Variants in C1orf167 observed in about 807,000 individuals in gnomAD.
The protein encoded by C1orf167 is chromosome 1 open reading frame 167.
A neutral mutation model predicts 176.5 loss-of-function variants in C1orf167; 153 were observed. That is an observed-to-expected ratio of 0.87 (90% CI 0.76 to 0.99). The LOEUF is 0.99. Ranked by LOEUF, C1orf167 falls within the 50% of genes least tolerant of loss-of-function variation. C1orf167 has a pLI of 0.00. For missense variants in C1orf167, 1,490 were observed against 1,817.7 expected, an observed-to-expected ratio of 0.82 and a Z score of 3.28; for synonymous variants, 594 against 752.7, an observed-to-expected ratio of 0.79 and a Z score of 3.45.
At chr1:11,776,273 AAAAAAC>A (rs146803014) in intron 9 of C1orf167, among the ~76,000 whole-genome samples, 185 bp from the exon 10 acceptor site, 7,267 of 152,290 alleles carry the variant, frequency 0.048, 225 homozygotes, top group Non-Finnish European at 0.057. Flanking sequence ...AACAAAAAAC[AAAAAAC>A]AAAAAAACAC....
intron 1 of C1orf167, among the ~76,000 whole-genome samples, chr1:11,763,950 G>C (rs568228421): frequency 6.6e-6 from 1 of 152,168 alleles, no homozygotes; most frequent in East Asian, 1.9e-4. Flanking sequence ...CGTGGAAAAG[G>C]GGGGCACCAA....
Position 11,789,398 on chromosome 1 carries a change from G to A in C1orf167, c.4302G>A (p.Pro1434=), listed in dbSNP as rs1468316345. 1.5e-6 allele frequency: 2 copies of A among 1,304,108 alleles called. No individual in the cohort carries two copies. The highest frequency in any genetic ancestry group is 5.5e-5 in the East Asian group (1 of 18,028). 80.8% of individuals were successfully genotyped at this position (1,304,108 alleles called of 1,614,324 possible). ...PESGQEAARA[P]RGWGLGAEHG... is the part of the protein sequence containing the mutation. ...GTGGACAGGAAGCCGCCAGAGCACC[G>A]CGGGGTTGGGGGCTTGGGGCAGAGC... The change falls in exon 21 of 21, where the codon CCG becomes CCA. Residue 1434 remains proline (P), a synonymous_variant. Coordinates refer to ENST00000688073, the MANE Select transcript of C1orf167 (RefSeq NM_001010881.2).
chr1:11,782,375 G>A lies in C1orf167; in HGVS notation c.3005+42G>A, dbSNP rs931380274. ...GTGGGAGGGTGTTGGTCCTCCCCAC[G>A]CAAGGAATAGCAAGGAGAGCACCCA... On this transcript the variant is annotated intron_variant, in intron 14 of 20. Transcript: ENST00000688073. 6.8e-6 allele frequency: 8 copies of A among 1,180,274 alleles called. No individual in the cohort carries two copies. The African/African-American group carries it at 8.1e-5, about 12-fold the overall frequency. 73.1% of individuals were successfully genotyped at this position (1,180,274 alleles called of 1,614,324 possible).
At chr1:11,782,447 T>C (rs1454309305) in intron 14 of C1orf167, 114 bp downstream of exon 14, 2 of 1,034,996 alleles carry the variant, frequency 1.9e-6, no homozygotes, top group Non-Finnish European at 2.4e-6. Flanking sequence ...GCCTGTGGCC[T>C]GGGAAAAAAG....
chr1:11,778,761 C>A lies in C1orf167; in HGVS notation c.2441C>A (p.Thr814Asn), dbSNP rs1204360725. The A allele has an allele frequency of 2.3e-6, 3 of 1,304,160 alleles. No homozygotes were observed. The Admixed American group carries it at 6.9e-5, about 30-fold the overall frequency. The allele number at this position is 1,304,160 out of a possible 1,614,324, so 80.8% of individuals were successfully genotyped here. A position where few individuals can be genotyped will look rare whatever the true frequency, so the allele number is the denominator to read the frequency against. ...GPDATSSCTK[T>N]PSALEPLSSS... is the part of the protein sequence containing the mutation. ...GATGCCACATCAAGCTGCACCAAGACCCCCTCGGCTCTGGAGCCACTGAGC... is the reference window on the plus strand; with the variant it reads ...GATGCCACATCAAGCTGCACCAAGAACCCCTCGGCTCTGGAGCCACTGAGC... The change falls in exon 11 of 21, where the codon ACC becomes AAC. Residue 814 changes from threonine (T) to asparagine (N), a missense_variant. Thr to Asn is a moderately conservative substitution (Grantham distance 65, BLOSUM62 0). Transcript: ENST00000688073.
intron 13 of C1orf167, among the ~76,000 whole-genome samples, chr1:11,780,538 T>C (rs1217767404): frequency 1.3e-5 from 2 of 152,210 alleles, no homozygotes; most frequent in Admixed American, 6.5e-5. Flanking sequence ...TGCTCTTCCA[T>C]ACCCTGACTG....
intron 6 of C1orf167, among the ~76,000 whole-genome samples, chr1:11,771,143 T>G (rs1643059044): frequency 7.3e-6 from 1 of 137,106 alleles, no homozygotes. Context: ...GGTCTCAAAC[T>G]CCTGGCTTCA....
At chr1:11,765,682 C>G (rs1642756323) in intron 2 of C1orf167, among the ~76,000 whole-genome samples, 175 bp from the exon 3 acceptor site, 1 of 152,142 alleles carries the variant, frequency 6.6e-6, no homozygotes, top group South Asian at 2.1e-4. Context: ...CCAAGAGCCC[C>G]CGGGGCTGCC....
At chr1:11,779,171 C>A (rs371563989) in intron 12 of C1orf167, 91 bp downstream of exon 12, 1 of 1,146,462 alleles carries the variant, frequency 8.7e-7, no homozygotes, top group Non-Finnish European at 1.1e-6. Context: ...ACAGCAGCAG[C>A]CCCTTGGGGT....
Position 11,768,345 on chromosome 1 carries a change from T to A in C1orf167, c.1542+70T>A, listed in dbSNP as rs1475359377. 1.6e-6 allele frequency: 2 copies of A among 1,236,394 alleles called. No homozygotes were observed. Among genetic ancestry groups the A allele is most frequent in the African/African-American group, 3.1e-5 (2 of 64,748 alleles). The allele number at this position is 1,236,394 out of a possible 1,614,324, so 76.6% of individuals were successfully genotyped here. The stretch of plus-strand genomic sequence containing the variant: ...GTGTGTCTGGGGAGGAGACTCAGTC[T>A]ACGGAGAGGACACCCACTGGGCATA... On this transcript the variant is annotated intron_variant, in intron 5 of 20. Coordinates refer to ENST00000688073, the MANE Select transcript of C1orf167 (RefSeq NM_001010881.2). This position sits in a 1 kb window ranked among gnomAD's most constrained non-coding sequence, Gnocchi z 4.5.
chr1:11,766,130 C>G lies in C1orf167; in HGVS notation c.344C>G (p.Ala115Gly). The G allele has an allele frequency of 7.8e-7, 1 of 1,289,834 alleles. No individual in the cohort carries two copies. Among genetic ancestry groups the G allele is most frequent in the Non-Finnish European group, 1.0e-6 (1 of 988,870 alleles). 79.9% of individuals were successfully genotyped at this position (1,289,834 alleles called of 1,614,324 possible). ...QSLARRRQGK[A>G]REFAIQQSNL... ...CTGGCCAGGAGGCGCCAAGGGAAGG[C>G]CCGAGAGTTTGCCATCCAGCAGAGC... The change falls in exon 3 of 21, where the codon GCC becomes GGC. Residue 115 changes from alanine to glycine, a missense_variant. Ala to Gly is a moderately conservative substitution (Grantham distance 60, BLOSUM62 0). Transcript: ENST00000688073. The surrounding 1 kb of genome is among the most constrained non-coding windows in gnomAD (Gnocchi z 4.5).
At position 11,779,842 on chromosome 1, in the gene C1orf167, G is replaced by T. The variant is rs1380631257; in HGVS notation, c.2692G>T (p.Ala898Ser). The change falls in exon 13 of 21, where the codon GCC becomes TCC. Residue 898 changes from alanine (A) to serine (S), a missense_variant. Transcript: ENST00000688073. Reference sequence around the variant, plus strand: ...GAGCCGCTGGGCAACAGCCCAATGGGCCTGGAGAGAGCTGGCTTCCCACCG... The same window carrying T: ...GAGCCGCTGGGCAACAGCCCAATGGTCCTGGAGAGAGCTGGCTTCCCACCG... ...SWSRWATAQWAWRELASHRAW... is the reference protein window; with the variant it reads ...SWSRWATAQWSWRELASHRAW... 2 of 1,303,242 alleles carry T rather than the reference G, an allele frequency of 1.5e-6. No individual in the cohort carries two copies. The highest frequency in any genetic ancestry group is 4.6e-5 in the Admixed American group (2 of 43,566). 80.7% of individuals were successfully genotyped at this position (1,303,242 alleles called of 1,614,324 possible). A position where few individuals can be genotyped will look rare whatever the true frequency, so the allele number is the denominator to read the frequency against.
Position 11,766,264 on chromosome 1 carries a change from G to C in C1orf167, c.478G>C (p.Ala160Pro), listed in dbSNP as rs999477094. 7.8e-7 allele frequency: 1 copy of C among 1,289,796 alleles called. No homozygotes were observed. Among genetic ancestry groups the C allele is most frequent in the Admixed American group, 2.3e-5 (1 of 43,564 alleles). 79.9% of individuals were successfully genotyped at this position (1,289,796 alleles called of 1,614,324 possible). A position where few individuals can be genotyped will look rare whatever the true frequency, so the allele number is the denominator to read the frequency against. Residue 160 changes from alanine (A) to proline (P), a missense_variant, in exon 3 of 21, where the codon GCT becomes CCT. Physicochemically the swap from Ala to Pro is conservative, Grantham distance 27. Coordinates refer to ENST00000688073, the MANE Select transcript of C1orf167 (RefSeq NM_001010881.2). This position sits in a 1 kb window ranked among gnomAD's most constrained non-coding sequence, Gnocchi z 4.5. ...WGPLLSQEPL[A>P]RPSSCLRQSG... is the part of the protein sequence containing the mutation. Reference sequence around the variant, plus strand: ...TCCTCTCCTATCCCAAGAGCCACTGGCTCGCCCATCTTCCTGCCTGAGGCA... The same window carrying C: ...TCCTCTCCTATCCCAAGAGCCACTGCCTCGCCCATCTTCCTGCCTGAGGCA...
At chr1:11,775,636 A>G (rs1360945772) in intron 9 of C1orf167, 26 bp downstream of exon 9, 1 of 1,288,048 alleles carries the variant, frequency 7.8e-7, no homozygotes, top group Non-Finnish European at 1.0e-6. Context: ...CTTCCGCCCC[A>G]GCAAACCGTG....
chr1:11,784,747 A>T (rs1643766497), intron 15 of C1orf167, among the ~76,000 whole-genome samples, 154 bp downstream of exon 15: 3 of 152,182 alleles, frequency 2.0e-5, no homozygotes, highest in Admixed American at 2.0e-4. Flanking sequence ...CGCCCTGGCC[A>T]TCTAGTCCTG....
At chr1:11,769,206 A>G in intron 6 of C1orf167, 79 bp downstream of exon 6, 2 of 938,810 alleles carry the variant, frequency 2.1e-6, no homozygotes, top group Non-Finnish European at 2.5e-6. Context: ...CCTCATCCCC[A>G]CAAAAGAATG....
intron 6 of C1orf167, 92 bp downstream of exon 6, chr1:11,769,219 A>C (rs2100269715): frequency 1.1e-6 from 1 of 915,824 alleles, no homozygotes; most frequent in East Asian, 1.2e-4. Flanking sequence ...AAAGAATGGG[A>C]ATGAAATAAG....
At chr1:11,785,735 GTTTT>G (rs1182444535) in intron 16 of C1orf167, 3 of 152,900 alleles carry the variant, frequency 2.0e-5, no homozygotes, top group African/African-American at 7.2e-5. Flanking sequence ...TTTTTGTCAA[GTTTT>G]TTTGTTTATT....
intron 17 of C1orf167, 80 bp from the exon 18 acceptor site, chr1:11,787,793 C>T: frequency 8.4e-7 from 1 of 1,184,636 alleles, no homozygotes; most frequent in South Asian, 1.6e-5. Context: ...CCTCACTGTA[C>T]TCAACTCCTA....
Sources: allele counts gnomAD v4.1 joint callset (sites outside exome capture counted in the v4.1 genomes callset), GRCh38; gene constraint gnomAD v4.1.1; non-coding constraint Gnocchi (gnomAD v3.1); transcripts MANE v1.5; gene names NCBI Gene and HGNC (gene_info 2026-07-23, HGNC 2026-07-21).